Variants in UNC79 observed in about 807,000 individuals in gnomAD.
UNC79 encodes unc-79 subunit of NALCN channel complex.
In UNC79, 37 loss-of-function variants were observed where a neutral mutation model predicts 283.1. That is an observed-to-expected ratio of 0.13 (90% CI 0.10 to 0.17). UNC79 has a LOEUF of 0.17. UNC79 is among the 10% of genes least tolerant of loss of function. The probability of loss-of-function intolerance (pLI) is 1.00; values close to 1 mark genes in which losing one functional copy is unlikely to be tolerated. For missense variants in UNC79, 2,272 were observed against 3,211.1 expected, an observed-to-expected ratio of 0.71 and a Z score of 7.07; for synonymous variants, 1,107 against 1,200.2, an observed-to-expected ratio of 0.92 and a Z score of 1.61.
chr14:93,645,759 T>C (rs775715939), intron 34 of UNC79, among the ~76,000 whole-genome samples: 26 of 152,090 alleles, frequency 1.7e-4, no homozygotes, highest in Non-Finnish European at 2.9e-4. Flanking sequence ...ACTGTTACTG[T>C]TTAGTTTACT....
At chr14:93,628,006 G>C (rs2067699826) in intron 30 of UNC79, among the ~76,000 whole-genome samples, 1 of 152,080 alleles carries the variant, frequency 6.6e-6, no homozygotes, top group Admixed American at 6.5e-5. Flanking sequence ...AATGGAATTG[G>C]CTAGGGATGA....
chr14:93,446,394 GT>G (rs35270146), intron 1 of UNC79, among the ~76,000 whole-genome samples: 45 of 142,352 alleles, frequency 3.2e-4, no homozygotes, highest in East Asian at 1.2e-3. Context: ...CATGTGTGTG[GT>G]TTTTTTTTTT....
At chr14:93,686,422 C>A in intron 42 of UNC79, 150 bp from the exon 46 acceptor site, 1 of 759,860 alleles carries the variant, frequency 1.3e-6, no homozygotes. Flanking sequence ...GCTGGGCAGA[C>A]AGTCACAGAC....
intron 1 of UNC79, among the ~76,000 whole-genome samples, chr14:93,390,595 A>G (rs2054864557): frequency 6.6e-6 from 1 of 152,210 alleles, no homozygotes; most frequent in Non-Finnish European, 1.5e-5. Flanking sequence ...TATTATTAGC[A>G]TTAATAAATT....
rs1167044036 is a variant in UNC79, at chr14:93,531,154, G to C, written c.1094-1396G>C. Among the ~76,000 whole-genome samples, 2 of 152,094 alleles carry C rather than the reference G, an allele frequency of 1.3e-5. No individual in the cohort carries two copies. Among genetic ancestry groups the C allele is most frequent in the Non-Finnish European group, 2.9e-5 (2 of 68,020 alleles). On this transcript the variant is annotated intron_variant, in intron 10 of 48. Transcript: ENST00000555664. The surrounding 1 kb of genome is among the most constrained non-coding windows in gnomAD (Gnocchi z 4.2). ...GATATTCATCTTTAGAGGAATATTG[G>C]CAATAACTTTTCATTACTTATACAG... is the stretch of plus-strand genomic sequence containing the variant.
chr14:93,549,533 G>A (rs1433200843), intron 14 of UNC79, among the ~76,000 whole-genome samples: 1 of 152,124 alleles, frequency 6.6e-6, no homozygotes, highest in Non-Finnish European at 1.5e-5. Flanking sequence ...ATTTCTGAGA[G>A]TTTTAGGAAT....
chr14:93,527,178 T>C (rs1215350963), intron 8 of UNC79, among the ~76,000 whole-genome samples: 2 of 152,252 alleles, frequency 1.3e-5, no homozygotes, highest in Admixed American at 1.3e-4. Flanking sequence ...ATGAAATACT[T>C]TGAAGCCCAG....
chr14:93,570,228 C>T lies in UNC79; in HGVS notation c.1756-1666C>T, dbSNP rs140963478. 5.0e-3 allele frequency among the ~76,000 whole-genome samples: 761 copies of T among 152,212 alleles called. 9 individuals are homozygous for T. Among genetic ancestry groups the T allele is most frequent in the African/African-American group, 0.018 (731 of 41,526 alleles). Reference sequence around the variant, plus strand: ...CCTAGAACAGTTATTTTTTTAATACCTCAAAGAATTGGGTGGTGACATCAA... The same window carrying T: ...CCTAGAACAGTTATTTTTTTAATACTTCAAAGAATTGGGTGGTGACATCAA... On this transcript the variant is annotated intron_variant, in intron 14 of 48. Transcript: ENST00000555664.
intron 1 of UNC79, among the ~76,000 whole-genome samples, chr14:93,395,971 T>C (rs2054987028): frequency 6.6e-6 from 1 of 152,170 alleles, no homozygotes; most frequent in South Asian, 2.1e-4. Flanking sequence ...TCAGATATTC[T>C]TTCTGTACCT....
intron 1 of UNC79, among the ~76,000 whole-genome samples, chr14:93,433,979 C>T (rs1463886858): frequency 6.6e-6 from 1 of 152,026 alleles, no homozygotes; most frequent in African/African-American, 2.4e-5. Flanking sequence ...TTTGGGAGGC[C>T]GAGGCAGGTG....
At chr14:93,369,997 T>G (rs1235807008) in intron 1 of UNC79, among the ~76,000 whole-genome samples, 1 of 152,136 alleles carries the variant, frequency 6.6e-6, no homozygotes, top group Non-Finnish European at 1.5e-5. Context: ...TGATAAATAC[T>G]TGTGGAGTTC....
intron 1 of UNC79, among the ~76,000 whole-genome samples, chr14:93,390,502 T>C (rs907561101): frequency 6.6e-6 from 1 of 152,126 alleles, no homozygotes; most frequent in African/African-American, 2.4e-5. Flanking sequence ...GAAATACAAA[T>C]TGGAAATGAG....
chr14:93,701,867 A>G (rs549097809), intron 47 of UNC79, among the ~76,000 whole-genome samples: 121 of 152,338 alleles, frequency 7.9e-4, no homozygotes, highest in African/African-American at 2.9e-3. Context: ...TTTTAGACCA[A>G]CATCACTATT....
intron 8 of UNC79, among the ~76,000 whole-genome samples, chr14:93,526,934 A>C (rs2060575659): frequency 6.6e-6 from 1 of 152,218 alleles, no homozygotes; most frequent in Non-Finnish European, 1.5e-5. Context: ...AAAATTGATT[A>C]ATCCTCACCA....
chr14:93,681,903 T>C (rs2073875401), intron 41 of UNC79, among the ~76,000 whole-genome samples: 1 of 152,248 alleles, frequency 6.6e-6, no homozygotes, highest in South Asian at 2.1e-4. Context: ...AACTGGCTAA[T>C]GGATTTGCTT....
intron 7 of UNC79, among the ~76,000 whole-genome samples, chr14:93,514,806 T>G (rs1347600113): frequency 2.0e-5 from 3 of 152,238 alleles, no homozygotes; most frequent in Admixed American, 2.0e-4. Flanking sequence ...ACTTAACTTG[T>G]ATGCTTTACT....
chr14:93,608,586 G>C (rs190022669), intron 26 of UNC79, among the ~76,000 whole-genome samples: 1 of 152,220 alleles, frequency 6.6e-6, no homozygotes, highest in East Asian at 1.9e-4. Flanking sequence ...GGAGATGAGC[G>C]AGGCAGTGTA....
chr14:93,697,204 C>T (rs904687290), intron 47 of UNC79, among the ~76,000 whole-genome samples: 22 of 152,030 alleles, frequency 1.4e-4, no homozygotes, highest in African/African-American at 3.9e-4. Context: ...GGTGCAATCT[C>T]GGCTTACTGC....
intron 1 of UNC79, among the ~76,000 whole-genome samples, chr14:93,457,504 T>C (rs2140197730): frequency 6.6e-6 from 1 of 152,318 alleles, no homozygotes; most frequent in East Asian, 1.9e-4. Flanking sequence ...GTAGAGAATG[T>C]GTCTAGAAAC....
Sources: gnomAD v4.1 joint callset for allele counts (sites outside exome capture counted in the v4.1 genomes callset) on GRCh38, gnomAD v4.1.1 for gene constraint, Gnocchi (gnomAD v3.1) non-coding constraint, MANE v1.5 for transcripts, NCBI Gene and HGNC (gene_info 2026-07-23, HGNC 2026-07-21) for gene names.